Variants in ULK4 observed in about 807,000 individuals in gnomAD.
ULK4 encodes unc-51 like kinase 4.
A neutral mutation model predicts 160.6 loss-of-function variants in ULK4; 133 were observed. The ratio of observed to expected loss-of-function variants is 0.83; its 90% confidence interval spans 0.72 to 0.96. The LOEUF is 0.96. Ranked by LOEUF, ULK4 falls within the 40% of genes least tolerant of loss-of-function variation. The pLI is 0.00. For missense variants in ULK4, 1,580 were observed against 1,499.5 expected (o/e 1.05, Z -0.89); for synonymous variants, 534 against 539.8 (o/e 0.99, Z 0.15).
chr3:41,881,669 CAG>C (rs1413423477), intron 17 of ULK4, among the ~76,000 whole-genome samples: 5 of 152,084 alleles, frequency 3.3e-5, no homozygotes, highest in African/African-American at 1.2e-4. Context: ...AATAGTTCAC[CAG>C]ATAGTTCAGT....
intron 21 of ULK4, among the ~76,000 whole-genome samples, chr3:41,787,255 C>T (rs116065542): frequency 2.6e-5 from 4 of 152,122 alleles, no homozygotes; most frequent in African/African-American, 4.8e-5. Context: ...CCCAACCCAA[C>T]GACAGAAAGT....
At chr3:41,461,111 T>G (rs760963066) in intron 33 of ULK4, among the ~76,000 whole-genome samples, 7 of 152,154 alleles carry the variant, frequency 4.6e-5, no homozygotes, top group Non-Finnish European at 1.0e-4. Flanking sequence ...GGGACTGAAC[T>G]TCTGATGGAG....
intron 22 of ULK4, among the ~76,000 whole-genome samples, chr3:41,749,199 T>A (rs1431011506): frequency 2.0e-5 from 3 of 152,182 alleles, no homozygotes; most frequent in Non-Finnish European, 2.9e-5. Flanking sequence ...ACAGGCTTTG[T>A]GGGCAGGGAG....
chr3:41,586,868 A>G (rs2030849381), intron 31 of ULK4, among the ~76,000 whole-genome samples: 1 of 152,222 alleles, frequency 6.6e-6, no homozygotes, highest in South Asian at 2.1e-4. Context: ...CATTTAAAAG[A>G]CATTGAAAAT....
At chr3:41,478,961 T>C (rs1641622120) in intron 32 of ULK4, among the ~76,000 whole-genome samples, 1 of 152,262 alleles carries the variant, frequency 6.6e-6, no homozygotes, top group Admixed American at 6.5e-5. Context: ...TGATCATATA[T>C]TCCAATGCCC....
At chr3:41,616,998 A>G (rs2033006236) in intron 30 of ULK4, among the ~76,000 whole-genome samples, 1 of 152,192 alleles carries the variant, frequency 6.6e-6, no homozygotes, top group African/African-American at 2.4e-5. Context: ...TTTCCCTGAC[A>G]GTGCTAAGAA....
At chr3:41,711,416 A>T (rs1295556756) in intron 25 of ULK4, among the ~76,000 whole-genome samples, 1 of 152,210 alleles carries the variant, frequency 6.6e-6, no homozygotes, top group Non-Finnish European at 1.5e-5. Context: ...GGGGCTGAAA[A>T]AAAGCTCCTA....
At chr3:41,352,513 C>A (rs1179498617) in intron 35 of ULK4, among the ~76,000 whole-genome samples, 2 of 152,224 alleles carry the variant, frequency 1.3e-5, no homozygotes, top group African/African-American at 4.8e-5. Flanking sequence ...TGTCAACCTA[C>A]TGCTTTCCTT....
intron 30 of ULK4, among the ~76,000 whole-genome samples, chr3:41,648,043 G>T (rs929336547): frequency 6.6e-6 from 1 of 152,160 alleles, no homozygotes; most frequent in Non-Finnish European, 1.5e-5. Context: ...TTTTAAGCCC[G>T]TCGGAAAAGC....
chr3:41,256,439 A>T (rs964671875), intron 35 of ULK4, among the ~76,000 whole-genome samples: 1 of 152,222 alleles, frequency 6.6e-6, no homozygotes, highest in East Asian at 1.9e-4. Flanking sequence ...AGAACTACAC[A>T]AATTATTGTT....
chr3:41,704,299 G>A (rs2036788566), intron 27 of ULK4, among the ~76,000 whole-genome samples: 1 of 152,194 alleles, frequency 6.6e-6, no homozygotes, highest in Non-Finnish European at 1.5e-5. Flanking sequence ...CAAATCGCCA[G>A]TGCTTCAGTG....
At chr3:41,304,767 A>C (rs2079871408) in intron 35 of ULK4, among the ~76,000 whole-genome samples, 1 of 152,218 alleles carries the variant, frequency 6.6e-6, no homozygotes, top group African/African-American at 2.4e-5. Flanking sequence ...AATCTGGCAA[A>C]CCAGGATCCT....
At chr3:41,319,911 T>C (rs1171678812) in intron 35 of ULK4, among the ~76,000 whole-genome samples, 7 of 152,212 alleles carry the variant, frequency 4.6e-5, no homozygotes, top group Admixed American at 1.3e-4. Context: ...GCCCAATCAC[T>C]ATTCTACCAG....
rs536620082 is a variant in ULK4 at position 41,479,258 on chromosome 3, C to T, written c.3227-16005G>A. Among the ~76,000 whole-genome samples the T allele has an allele frequency of 7.6e-4, 116 of 152,256 alleles. 1 individual carries two copies. Among genetic ancestry groups the T allele is most frequent in the African/African-American group, 2.7e-3 (114 of 41,532 alleles). Reference sequence around the variant, plus strand: ...ACTTCTGAGATGGTAAGTAAACATTCGGGAGAAAATCAGCATCACTCTTTC... The same window carrying T: ...ACTTCTGAGATGGTAAGTAAACATTTGGGAGAAAATCAGCATCACTCTTTC... On this transcript the variant is annotated intron_variant, in intron 32 of 36. Coordinates refer to ENST00000301831, the MANE Select transcript of ULK4 (RefSeq NM_017886.4).
chr3:41,797,046 C>T (rs189340876), intron 20 of ULK4, among the ~76,000 whole-genome samples: 2 of 152,278 alleles, frequency 1.3e-5, no homozygotes, highest in East Asian at 3.9e-4. Context: ...TTACAACCCA[C>T]TGAATAAAAT....
chr3:41,846,437 T>C (rs923699016), intron 17 of ULK4, among the ~76,000 whole-genome samples: 1 of 152,124 alleles, frequency 6.6e-6, no homozygotes, highest in Non-Finnish European at 1.5e-5. Context: ...TATGTGGATA[T>C]TGTTATTATG....
chr3:41,355,738 TCAC>T (rs2081017756), intron 35 of ULK4, among the ~76,000 whole-genome samples: 1 of 152,238 alleles, frequency 6.6e-6, no homozygotes, highest in Admixed American at 6.5e-5. Context: ...GAATAGTGCA[TCAC>T]CACAGATTAG....
intron 33 of ULK4, among the ~76,000 whole-genome samples, chr3:41,456,723 G>C (rs2083564217): frequency 6.6e-6 from 1 of 152,144 alleles, no homozygotes; most frequent in African/African-American, 2.4e-5. Context: ...CGTTTACTCA[G>C]AAGAAACAAA....
At chr3:41,846,926 G>T (rs2042083948) in intron 17 of ULK4, among the ~76,000 whole-genome samples, 1 of 152,040 alleles carries the variant, frequency 6.6e-6, no homozygotes, top group East Asian at 1.9e-4. Flanking sequence ...TGGGTTTTTT[G>T]GTGTTATTTC....
Sources: allele counts gnomAD v4.1 joint callset (sites outside exome capture counted in the v4.1 genomes callset), GRCh38; gene constraint gnomAD v4.1.1; transcripts MANE v1.5; gene names NCBI Gene and HGNC (gene_info 2026-07-23, HGNC 2026-07-21).